ADCK2: variants seen among roughly 807,000 people sequenced by gnomAD.
ADCK2 encodes the protein aarF domain containing kinase 2.
ADCK2 carries 37 observed loss-of-function variants against 52.3 expected under a neutral mutation model. The observed-to-expected ratio is 0.71, with a 90% CI of 0.54 to 0.93. The LOEUF is 0.93. Ranked by LOEUF, ADCK2 falls within the 40% of genes least tolerant of loss-of-function variation. ADCK2 has a pLI of 0.00. For missense variants in ADCK2, 695 were observed against 798.7 expected (o/e 0.87, Z 1.56); for synonymous variants, 321 against 349.2 (o/e 0.92, Z 0.90).
chr7:140,689,509 G>A, intron 5 of ADCK2, 88 bp from the exon 6 acceptor site: 1 of 1,463,052 alleles, frequency 6.8e-7, no homozygotes, highest in Non-Finnish European at 9.2e-7. Flanking sequence ...AGTCAGGGTG[G>A]AGCTGCTGAG....
chr7:140,679,005 G>T, intron 2 of ADCK2, 150 bp from the exon 3 acceptor site: 1 of 963,686 alleles, frequency 1.0e-6, no homozygotes, highest in Non-Finnish European at 1.6e-6. Context: ...GCCCACGGAT[G>T]TCGCCTCCTG....
Position 140,690,759 on chromosome 7 carries a change from G to A in ADCK2, c.1687-1G>A. 6.2e-7 allele frequency: 1 copy of A among 1,613,666 alleles called. No individual in the cohort carries two copies. Among genetic ancestry groups the A allele is most frequent in the Non-Finnish European group, 8.5e-7 (1 of 1,179,900 alleles). On this transcript the variant is annotated splice_acceptor_variant, in intron 6 of 7. Transcript: ENST00000072869. LOFTEE classifies it high-confidence loss of function. ...CATTAGCCTTTATTTTGTTTTTCCA[G>A]CTTCATGTGTCCAGCCTTCTCTCTA...
chr7:140,683,897 G>A (rs1172341651), intron 4 of ADCK2, among the ~76,000 whole-genome samples: 1 of 152,196 alleles, frequency 6.6e-6, no homozygotes, highest in African/African-American at 2.4e-5. Flanking sequence ...CACAGGGACA[G>A]GATTTGATGG....
intron 2 of ADCK2, among the ~76,000 whole-genome samples, chr7:140,677,300 C>A (rs528556112): frequency 4.6e-5 from 7 of 151,722 alleles, no homozygotes; most frequent in Non-Finnish European, 8.8e-5. Context: ...CCCAGCTACT[C>A]GAGAGGCTGA....
Position 140,674,479 on chromosome 7 carries a change from G to A in ADCK2, c.934-132G>A. ...GAGTCTGGAGTGAACTAACTGCTTGGGTGTCGGGACCACATCCTCTTTTCT... is the reference window on the plus strand; with the variant it reads ...GAGTCTGGAGTGAACTAACTGCTTGAGTGTCGGGACCACATCCTCTTTTCT... On this transcript the variant is annotated intron_variant, in intron 1 of 7. Transcript: ENST00000072869. The surrounding 1 kb of genome is among the most constrained non-coding windows in gnomAD (Gnocchi z 4.6). The A allele has an allele frequency of 8.2e-7, 1 of 1,218,040 alleles. No homozygotes were observed. The highest frequency in any genetic ancestry group is 1.1e-6 in the Non-Finnish European group (1 of 893,074). 75.5% of individuals were successfully genotyped at this position (1,218,040 alleles called of 1,614,324 possible).
intron 5 of ADCK2, among the ~76,000 whole-genome samples, chr7:140,687,916 A>G (rs1453921389): frequency 3.4e-5 from 5 of 146,700 alleles, no homozygotes; most frequent in Non-Finnish European, 6.0e-5. Flanking sequence ...ATTAATGGAG[A>G]TGGGTTTTGC....
At chr7:140,686,024 T>G (rs1332196116) in intron 4 of ADCK2, among the ~76,000 whole-genome samples, 1 of 152,196 alleles carries the variant, frequency 6.6e-6, no homozygotes, top group African/African-American at 2.4e-5. Context: ...TCTGTGTGCA[T>G]GTGGCTGCTA....
intron 4 of ADCK2, among the ~76,000 whole-genome samples, chr7:140,683,145 C>T (rs1220482142): frequency 6.6e-6 from 1 of 151,710 alleles, no homozygotes; most frequent in African/African-American, 2.4e-5. Flanking sequence ...TACTAAAATA[C>T]AAAAAATTAG....
Position 140,673,354 on chromosome 7 carries a change from C to T in ADCK2, c.24C>T (p.Ser8=), listed in dbSNP as rs927978009. The change falls in exon 1 of 8, where the codon TCC becomes TCT. Residue 8 remains serine, a synonymous_variant. Transcript: ENST00000072869. The surrounding 1 kb of genome is among the most constrained non-coding windows in gnomAD (Gnocchi z 6.4). MVAPWRV[S]VRVCLSHLRC... ...GGATGGTGGCGCCCTGGCGCGTCTC[C>T]GTCAGGGTTTGCCTGTCGCACCTGA... The T allele has an allele frequency of 2.0e-6, 3 of 1,475,858 alleles. No homozygotes were observed. The African/African-American group carries it at 4.3e-5, about 21-fold the overall frequency. The allele number at this position is 1,475,858 out of a possible 1,614,324, so 91.4% of individuals were successfully genotyped here.
At chr7:140,685,084 A>G (rs1276354777) in intron 4 of ADCK2, among the ~76,000 whole-genome samples, 1 of 152,100 alleles carries the variant, frequency 6.6e-6, no homozygotes, top group African/African-American at 2.4e-5. Flanking sequence ...GAAACTTAAA[A>G]AAAAAAACAA....
intron 6 of ADCK2, among the ~76,000 whole-genome samples, chr7:140,690,185 T>TAG (rs1213128478): frequency 3.3e-5 from 5 of 152,150 alleles, no homozygotes; most frequent in African/African-American, 1.2e-4. Context: ...GCCCTGCTGA[T>TAG]AGTCTATCCA....
chr7:140,673,335 T>G lies in ADCK2; in HGVS notation c.5T>G (p.Val2Gly). M[V>G]APWRVSVRVC... is the part of the protein sequence containing the mutation. Reference sequence around the variant, plus strand: ...TGGGCCGCGGGCCTCGGGAGGATGGTGGCGCCCTGGCGCGTCTCCGTCAGG... The same window carrying G: ...TGGGCCGCGGGCCTCGGGAGGATGGGGGCGCCCTGGCGCGTCTCCGTCAGG... The change falls in exon 1 of 8, where the codon GTG becomes GGG. Residue 2 changes from valine (V) to glycine (G), a missense_variant. By Grantham distance (109) the Val-to-Gly change is moderately radical. Coordinates refer to ENST00000072869, the MANE Select transcript of ADCK2 (RefSeq NM_052853.4). The surrounding 1 kb of genome is among the most constrained non-coding windows in gnomAD (Gnocchi z 6.4). The G allele has an allele frequency of 6.9e-7, 1 of 1,447,126 alleles. No individual in the cohort carries two copies. The highest frequency in any genetic ancestry group is 9.1e-7 in the Non-Finnish European group (1 of 1,098,366). The allele number at this position is 1,447,126 out of a possible 1,614,324, so 89.6% of individuals were successfully genotyped here. A position where few individuals can be genotyped will look rare whatever the true frequency, so the allele number is the denominator to read the frequency against.
At position 140,687,070 on chromosome 7, in the gene ADCK2, TCAGGAG is replaced by T; in HGVS notation, c.1387_1392del (p.Gln463_Glu464del). 1 of 1,613,762 alleles carries T rather than the reference TCAGGAG, an allele frequency of 6.2e-7. No homozygotes were observed. The highest frequency in any genetic ancestry group is 1.3e-5 in the African/African-American group (1 of 74,914). On this transcript the variant is annotated inframe_deletion, in exon 5 of 8. Transcript: ENST00000072869. ...AGGGTGCCAACGGCCTGTCCTCGAG[TCAGGAG>T]GCGCAGCTGCAGCAGGCGGACATCT...
chr7:140,691,746 T>C (rs1259992623), intron 7 of ADCK2, among the ~76,000 whole-genome samples: 1 of 152,260 alleles, frequency 6.6e-6, no homozygotes, highest in African/African-American at 2.4e-5. Flanking sequence ...ATTACTTAAC[T>C]ATATGACATC....
At chr7:140,690,368 A>G (rs1159896428) in intron 6 of ADCK2, among the ~76,000 whole-genome samples, 1 of 151,962 alleles carries the variant, frequency 6.6e-6, no homozygotes, top group Non-Finnish European at 1.5e-5. Flanking sequence ...ACACCCGGCT[A>G]ATTTTTATAT....
Position 140,680,958 on chromosome 7 carries a change from C to G in ADCK2, c.1210-84C>G, listed in dbSNP as rs868176164. On this transcript the variant is annotated intron_variant, in intron 3 of 7. Transcript: ENST00000072869. ...GGTTACTTCCCAATAAGTGAGAAGA[C>G]AGCGCTGTGGTGCCACGTGGGAGGA... is the stretch of plus-strand genomic sequence containing the variant. 1.2e-5 allele frequency: 14 copies of G among 1,203,820 alleles called. No individual in the cohort carries two copies. The Middle Eastern group carries it at 1.4e-3, about 118-fold the overall frequency. 74.6% of individuals were successfully genotyped at this position (1,203,820 alleles called of 1,614,324 possible). A position where few individuals can be genotyped will look rare whatever the true frequency, so the allele number is the denominator to read the frequency against.
rs986063385 is a variant in ADCK2, at chr7:140,679,359, G to T, written c.1209+76G>T. ...GGGCCCGTCTCCAGCCCACAGAAAG[G>T]CTTCAGTCTGGAGAGAGGATGGGAT... On this transcript the variant is annotated intron_variant, in intron 3 of 7. Coordinates refer to ENST00000072869, the MANE Select transcript of ADCK2 (RefSeq NM_052853.4). 6 of 1,576,782 alleles carry T rather than the reference G, an allele frequency of 3.8e-6. No homozygotes were observed. The Admixed American group carries it at 6.9e-5, about 18-fold the overall frequency.
chr7:140,673,240 T>A lies in ADCK2; in HGVS notation c.-91T>A. Reference sequence around the variant, plus strand: ...CAGATGGGCAGCTCCGTCCGCGGGGTCAGGGCCGGGCTTCGGCTTCACCGC... The same window carrying A: ...CAGATGGGCAGCTCCGTCCGCGGGGACAGGGCCGGGCTTCGGCTTCACCGC... On this transcript the variant is annotated 5_prime_UTR_variant, in exon 1 of 8. Coordinates refer to ENST00000072869, the MANE Select transcript of ADCK2 (RefSeq NM_052853.4). The surrounding 1 kb of genome is among the most constrained non-coding windows in gnomAD (Gnocchi z 6.4). 1.7e-6 allele frequency: 2 copies of A among 1,149,546 alleles called. No individual in the cohort carries two copies. Among genetic ancestry groups the A allele is most frequent in the Non-Finnish European group, 2.3e-6 (2 of 877,360 alleles). The allele number at this position is 1,149,546 out of a possible 1,614,324, so 71.2% of individuals were successfully genotyped here.
At position 140,674,140 on chromosome 7, in the gene ADCK2, G is replaced by C. The variant is rs770381485; in HGVS notation, c.810G>C (p.Gln270His). The C allele has an allele frequency of 1.2e-6, 2 of 1,614,146 alleles. No individual in the cohort carries two copies. Among genetic ancestry groups the C allele is most frequent in the Non-Finnish European group, 1.7e-6 (2 of 1,180,048 alleles). ...AACCTCCAGAAAATCTCGCAGACCA[G>C]TCGTTTCTAGAAAGGCTGCTCCTCC... The part of the protein sequence containing the change: ...GRKPPENLAD[Q>H]SFLERLLLPK... Residue 270 changes from glutamine to histidine, a missense_variant, in exon 1 of 8, where the codon CAG (glutamine) becomes CAC (histidine). Gln to His is a conservative substitution (Grantham distance 24). Coordinates refer to ENST00000072869, the MANE Select transcript of ADCK2 (RefSeq NM_052853.4). This position sits in a 1 kb window ranked among gnomAD's most constrained non-coding sequence, Gnocchi z 4.6.
Sources: allele counts gnomAD v4.1 joint callset (sites outside exome capture counted in the v4.1 genomes callset), GRCh38; gene constraint gnomAD v4.1.1; non-coding constraint Gnocchi (gnomAD v3.1); transcripts MANE v1.5; gene names NCBI Gene and HGNC (gene_info 2026-07-23, HGNC 2026-07-21).